Variants in ERFL observed in about 807,000 individuals in gnomAD.
The protein encoded by ERFL is ETS repressor factor like.
ERFL carries 8 observed loss-of-function variants against 27.9 expected under a neutral mutation model. The observed-to-expected ratio is 0.29, with a 90% CI of 0.17 to 0.52. The LOEUF (loss-of-function observed/expected upper bound fraction) is 0.52. Ranked by LOEUF, ERFL falls within the 20% of genes least tolerant of loss-of-function variation. ERFL has a pLI of 0.97. For synonymous variants in ERFL, 174 were observed against 202.8 expected, an observed-to-expected ratio of 0.86 and a Z score of 1.21; for missense variants, 294 against 444.4, an observed-to-expected ratio of 0.66 and a Z score of 3.04.
At chr19:41,926,690 G>T (rs118019496) in intron 1 of ERFL, among the ~76,000 whole-genome samples, 1 of 152,070 alleles carries the variant, frequency 6.6e-6, no homozygotes, top group South Asian at 2.1e-4. Flanking sequence ...TGCGGAGCGC[G>T]TCTGGGCCGC....
Position 41,909,530 on chromosome 19 carries a change from G to A in ERFL, c.303-59C>T. The A allele has an allele frequency of 8.3e-7, 1 of 1,200,822 alleles. No homozygotes were observed. The highest frequency in any genetic ancestry group is 1.1e-6 in the Non-Finnish European group (1 of 951,106). The allele number at this position is 1,200,822 out of a possible 1,614,324, so 74.4% of individuals were successfully genotyped here. ...GGGGGAGCCCTGGGGCGGGATCTGG[G>A]GTTTCTTAATGCGTGTGCTGTCCCA... On this transcript the variant is annotated intron_variant, in intron 3 of 5. Coordinates refer to ENST00000597630, the MANE Select transcript of ERFL (RefSeq NM_001365103.2). The surrounding 1 kb of genome is among the most constrained non-coding windows in gnomAD (Gnocchi z 5.2).
chr19:41,913,570 G>C lies in ERFL; in HGVS notation c.-13-638C>G, dbSNP rs115693308. Among the ~76,000 whole-genome samples the C allele has an allele frequency of 6.0e-3, 901 of 150,926 alleles. 16 individuals carry two copies. Among genetic ancestry groups the C allele is most frequent in the African/African-American group, 0.02 (827 of 41,014 alleles). ...CCTCTACCCCACAGGGCAGCCCCCAGCGCCCTGCAGGAGGCCTCCACAGAC... is the reference window on the plus strand; with the variant it reads ...CCTCTACCCCACAGGGCAGCCCCCACCGCCCTGCAGGAGGCCTCCACAGAC... On this transcript the variant is annotated intron_variant, in intron 1 of 5. Coordinates refer to ENST00000597630, the MANE Select transcript of ERFL (RefSeq NM_001365103.2).
chr19:41,924,487 A>G (rs1161453228), intron 1 of ERFL, among the ~76,000 whole-genome samples: 1 of 152,056 alleles, frequency 6.6e-6, no homozygotes, highest in East Asian at 1.9e-4. Flanking sequence ...TGGTGGTCTT[A>G]GTAATCGGGA....
In ERFL at chr19:41,916,338, C is replaced by A. The variant is rs1412300560; in HGVS notation, c.-13-3406G>T. Among the ~76,000 whole-genome samples the A allele has an allele frequency of 6.6e-6, 1 of 152,038 alleles. No individual in the cohort carries two copies. Among genetic ancestry groups the A allele is most frequent in the Non-Finnish European group, 1.5e-5 (1 of 68,008 alleles). Reference sequence around the variant, plus strand: ...CACATCACACACACCAACAAAGCAACGCATACCACTGCTGCCACACACAAC... The same window carrying A: ...CACATCACACACACCAACAAAGCAAAGCATACCACTGCTGCCACACACAAC... On this transcript the variant is annotated intron_variant, in intron 1 of 5. Transcript: ENST00000597630. This position sits in a 1 kb window ranked among gnomAD's most constrained non-coding sequence, Gnocchi z 5.4.
Position 41,909,613 on chromosome 19 carries a change from A to G in ERFL, c.303-142T>C, listed in dbSNP as rs2074741301. ...AACTGAGGCTCACAGAAGTCCCTTAATAGGGATCACAGGGCAAGGAAGGGA... is the reference window on the plus strand; with the variant it reads ...AACTGAGGCTCACAGAAGTCCCTTAGTAGGGATCACAGGGCAAGGAAGGGA... On this transcript the variant is annotated intron_variant, in intron 3 of 5. Transcript: ENST00000597630. The surrounding 1 kb of genome is among the most constrained non-coding windows in gnomAD (Gnocchi z 5.2). The G allele has an allele frequency of 2.4e-6, 2 of 848,654 alleles. No individual in the cohort carries two copies. Among genetic ancestry groups the G allele is most frequent in the Non-Finnish European group, 3.5e-6 (2 of 575,294 alleles). The allele number at this position is 848,654 out of a possible 1,614,324, so 52.6% of individuals were successfully genotyped here. A position where few individuals can be genotyped will look rare whatever the true frequency, so the allele number is the denominator to read the frequency against.
rs1407731462 is a variant in ERFL at position 41,917,954 on chromosome 19, G to T, written c.-13-5022C>A. The stretch of plus-strand genomic sequence containing the variant: ...TGTGTGTGTGCTCACACACCTGTCC[G>T]TCCAGACTATAGCCACGTCCATGTG... On this transcript the variant is annotated intron_variant, in intron 1 of 5. Coordinates refer to ENST00000597630, the MANE Select transcript of ERFL (RefSeq NM_001365103.2). The surrounding 1 kb of genome is among the most constrained non-coding windows in gnomAD (Gnocchi z 4.8). Among the ~76,000 whole-genome samples, 1 of 151,808 alleles carries T rather than the reference G, an allele frequency of 6.6e-6. No homozygotes were observed. Among genetic ancestry groups the T allele is most frequent in the Non-Finnish European group, 1.5e-5 (1 of 67,960 alleles).
intron 1 of ERFL, among the ~76,000 whole-genome samples, chr19:41,926,417 A>G (rs2074870683): frequency 6.6e-6 from 1 of 152,136 alleles, no homozygotes; most frequent in African/African-American, 2.4e-5. Context: ...AAGGGGGAAC[A>G]TGGATGTGAC....
intron 1 of ERFL, among the ~76,000 whole-genome samples, chr19:41,914,477 T>C (rs934005247): frequency 2.0e-5 from 3 of 150,964 alleles, no homozygotes. Flanking sequence ...TCTCCATCTG[T>C]CTCTCCATCT....
chr19:41,920,604 G>A (rs782036893), intron 1 of ERFL, among the ~76,000 whole-genome samples: 1 of 152,210 alleles, frequency 6.6e-6, no homozygotes, highest in African/African-American at 2.4e-5. Flanking sequence ...GGACATGTGT[G>A]GCTCCACTCA....
chr19:41,909,306 T>C lies in ERFL; in HGVS notation c.468A>G (p.Pro156=). ...GGGTGAGGGGAGGAGCATCTGGCCCTGGGGCCCCCCCAAAGGGACTGGGGG... is the reference window on the plus strand; with the variant it reads ...GGGTGAGGGGAGGAGCATCTGGCCCCGGGGCCCCCCCAAAGGGACTGGGGG... ...LLTPSPFGGA[P]GPDAPPLTPE... Residue 156 remains proline, a synonymous_variant, in exon 4 of 6, where the codon CCA becomes CCG. Transcript: ENST00000597630. The surrounding 1 kb of genome is among the most constrained non-coding windows in gnomAD (Gnocchi z 5.2). 1 of 1,234,788 alleles carries C rather than the reference T, an allele frequency of 8.1e-7. No homozygotes were observed. The highest frequency in any genetic ancestry group is 1.0e-6 in the Non-Finnish European group (1 of 989,320). The allele number at this position is 1,234,788 out of a possible 1,614,324, so 76.5% of individuals were successfully genotyped here. A position where few individuals can be genotyped will look rare whatever the true frequency, so the allele number is the denominator to read the frequency against.
At chr19:41,918,741 CACAT>C (rs1417677118) in intron 1 of ERFL, among the ~76,000 whole-genome samples, 2 of 149,366 alleles carry the variant, frequency 1.3e-5, no homozygotes, top group African/African-American at 2.5e-5. Flanking sequence ...CACCACCCCA[CACAT>C]ACACACACCA....
chr19:41,914,574 C>CCCTCCCTTTCCACCATCTCT (rs1568831580), intron 1 of ERFL, among the ~76,000 whole-genome samples: 2 of 17,932 alleles, frequency 1.1e-4, no homozygotes, highest in Non-Finnish European at 2.3e-4. Flanking sequence ...TCTCTGTCTC[C>CCCTCCCTTTCCACCATCTCT]GTCTCTCCCT....
Position 41,921,147 on chromosome 19 carries a change from G to A in ERFL, c.-14+6893C>T, listed in dbSNP as rs782393987. On this transcript the variant is annotated intron_variant, in intron 1 of 5. Transcript: ENST00000597630. This position sits in a 1 kb window ranked among gnomAD's most constrained non-coding sequence, Gnocchi z 4.4. ...GGGAGGGGAGAGGGAGGGTGGAGGC[G>A]CCACCGTGAGGCGAGGCGGAGGGAG... is the stretch of plus-strand genomic sequence containing the variant. Among the ~76,000 whole-genome samples the A allele has an allele frequency of 3.9e-5, 6 of 152,124 alleles. No homozygotes were observed. Among genetic ancestry groups the A allele is most frequent in the East Asian group, 1.9e-4 (1 of 5,170 alleles).
intron 1 of ERFL, among the ~76,000 whole-genome samples, chr19:41,925,992 G>T (rs1418301033): frequency 6.6e-6 from 1 of 152,074 alleles, no homozygotes; most frequent in African/African-American, 2.4e-5. Context: ...GTGTGAGTGT[G>T]TGCATGTGTG....
intron 2 of ERFL, 59 bp downstream of exon 2, chr19:41,912,793 CG>C (rs2074761256): frequency 2.6e-6 from 1 of 388,578 alleles, no homozygotes; most frequent in Admixed American, 7.7e-5. Context: ...AAGGGGGATG[CG>C]GCTCACTGGG....
At chr19:41,914,682 CATCTCT>C (rs1170272311) in intron 1 of ERFL, among the ~76,000 whole-genome samples, 2 of 24,568 alleles carry the variant, frequency 8.1e-5, no homozygotes, top group Admixed American at 4.0e-4. Flanking sequence ...CCCCTTCCAC[CATCTCT>C]GTCTCTCCCT....
chr19:41,908,147 T>A lies in ERFL; in HGVS notation c.*81A>T. On this transcript the variant is annotated 3_prime_UTR_variant, in exon 6 of 6. Coordinates refer to ENST00000597630, the MANE Select transcript of ERFL (RefSeq NM_001365103.2). This position sits in a 1 kb window ranked among gnomAD's most constrained non-coding sequence, Gnocchi z 6.7. ...CCTGGGAGGTGCTGAGGGCTGGTCC[T>A]GGGCCTTGGGCCAGGCATCAAGGGC... 3 of 1,126,544 alleles carry A rather than the reference T, an allele frequency of 2.7e-6. No homozygotes were observed. The highest frequency in any genetic ancestry group is 3.4e-6 in the Non-Finnish European group (3 of 891,842). 69.8% of individuals were successfully genotyped at this position (1,126,544 alleles called of 1,614,324 possible).
chr19:41,918,692 A>T (rs2074818952), intron 1 of ERFL, among the ~76,000 whole-genome samples: 1 of 144,570 alleles, frequency 6.9e-6, no homozygotes, highest in South Asian at 2.2e-4. Context: ...CACACACCAC[A>T]TATCCGCCAC....
In ERFL at chr19:41,914,556, T is replaced by C. The variant is rs868948990; in HGVS notation, c.-13-1624A>G. The stretch of plus-strand genomic sequence containing the variant: ...CTCTGCTATCCGTCTTTCCCTCCCC[T>C]TCCACCATCTCTGTCTCCGTCTCTC... On this transcript the variant is annotated intron_variant, in intron 1 of 5. Transcript: ENST00000597630. 4.2e-3 allele frequency among the ~76,000 whole-genome samples: 416 copies of C among 98,290 alleles called. 7 individuals carry two copies. Among genetic ancestry groups the C allele is most frequent in the Non-Finnish European group, 6.4e-3 (298 of 46,794 alleles). 64.5% of individuals were successfully genotyped at this position (98,290 alleles called of 152,430 possible). A position where few individuals can be genotyped will look rare whatever the true frequency, so the allele number is the denominator to read the frequency against.
Sources: gnomAD v4.1 joint callset for allele counts (sites outside exome capture counted in the v4.1 genomes callset) on GRCh38, gnomAD v4.1.1 for gene constraint, Gnocchi (gnomAD v3.1) non-coding constraint, MANE v1.5 for transcripts, NCBI Gene and HGNC (gene_info 2026-07-23, HGNC 2026-07-21) for gene names.